The following ASAP2 variants were observed in gnomAD, a reference collection of about 807,000 sequenced individuals.
ASAP2 encodes the protein ArfGAP with SH3 domain, ankyrin repeat and PH domain 2.
Under a neutral mutation model 131.4 loss-of-function variants are expected in ASAP2, and 45 were observed. The ratio of observed to expected loss-of-function variants is 0.34; its 90% CI spans 0.27 to 0.44. The LOEUF is 0.44. Ranked by LOEUF, ASAP2 falls within the 20% of genes least tolerant of loss-of-function variation. The probability of loss-of-function intolerance (pLI) is 1.00; values close to 1 mark genes in which losing one functional copy is unlikely to be tolerated. For missense variants in ASAP2, 1,011 were observed against 1,297.0 expected (o/e 0.78, Z 3.39); for synonymous variants, 510 against 503.0 (o/e 1.01, Z -0.19).
rs2148848484 is a variant in ASAP2 at position 9,404,721 on chromosome 2, T to C, written c.*1394T>C. ...TGATTGAAGCAGCTTGTCTTTATTA[T>C]GCAAGACTGTGTAGAGTTTTTTTTT... On this transcript the variant is annotated 3_prime_UTR_variant, in exon 28 of 28. Coordinates refer to ENST00000281419, the MANE Select transcript of ASAP2 (RefSeq NM_003887.3). 1 of 150,338 alleles carries C rather than the reference T, an allele frequency of 6.7e-6. No homozygotes were observed. Among genetic ancestry groups the C allele is most frequent in the Middle Eastern group, 3.5e-3 (1 of 288 alleles). 9.3% of individuals were successfully genotyped at this position (150,338 alleles called of 1,614,324 possible).
At chr2:9,248,135 G>A (rs1664461709) in intron 1 of ASAP2, among the ~76,000 whole-genome samples, 1 of 152,210 alleles carries the variant, frequency 6.6e-6, no homozygotes, top group African/African-American at 2.4e-5. Flanking sequence ...GATGGCAGGT[G>A]ACCCAGAAGA....
At chr2:9,317,173 ACACT>A (rs1669762791) in intron 3 of ASAP2, among the ~76,000 whole-genome samples, 1 of 105,442 alleles carries the variant, frequency 9.5e-6, no homozygotes, top group Admixed American at 8.7e-5. Context: ...CACTCTCACC[ACACT>A]CAACACACAC....
At chr2:9,222,979 G>C (rs2175335) in intron 1 of ASAP2, among the ~76,000 whole-genome samples, 7 of 151,964 alleles carry the variant, frequency 4.6e-5, no homozygotes, top group African/African-American at 1.7e-4. Flanking sequence ...ACCCTCCAAG[G>C]CCTGTGTTTT....
At chr2:9,301,818 A>AT (rs1558310253) in intron 3 of ASAP2, among the ~76,000 whole-genome samples, 2 of 127,352 alleles carry the variant, frequency 1.6e-5, no homozygotes, top group African/African-American at 3.0e-5. Flanking sequence ...TGTATCCATC[A>AT]TCTTTTTTTT....
chr2:9,222,075 A>G (rs1436264834), intron 1 of ASAP2, among the ~76,000 whole-genome samples: 1 of 152,078 alleles, frequency 6.6e-6, no homozygotes, highest in African/African-American at 2.4e-5. Flanking sequence ...GGCGTGAGCC[A>G]CCGCGCTGGC....
chr2:9,257,054 G>A (rs775923765), intron 1 of ASAP2, among the ~76,000 whole-genome samples: 4 of 152,222 alleles, frequency 2.6e-5, no homozygotes, highest in African/African-American at 7.2e-5. Context: ...GCTCCAGGGT[G>A]TCTTTCCCTA....
chr2:9,334,036 C>G (rs1454553459), intron 7 of ASAP2, among the ~76,000 whole-genome samples: 1 of 118,914 alleles, frequency 8.4e-6, no homozygotes, highest in African/African-American at 3.3e-5. Flanking sequence ...CTCTGTCTTT[C>G]TCCTTTTTTT....
intron 17 of ASAP2, among the ~76,000 whole-genome samples, 162 bp downstream of exon 17, chr2:9,375,106 CAAAAAAAAAA>C (rs112747713): frequency 1.5e-5 from 1 of 66,230 alleles, no homozygotes; most frequent in African/African-American, 4.3e-5. Context: ...CCCATCTCTA[CAAAAAAAAAA>C]AAAAAAAAAA....
intron 24 of ASAP2, among the ~76,000 whole-genome samples, chr2:9,395,224 G>A (rs1156265013): frequency 1.3e-5 from 2 of 152,216 alleles, no homozygotes; most frequent in East Asian, 1.9e-4. Flanking sequence ...TGTAATCCCA[G>A]TACTTTGGGA....
chr2:9,343,903 T>C, intron 9 of ASAP2, among the ~76,000 whole-genome samples: 1 of 152,188 alleles, frequency 6.6e-6, no homozygotes. Flanking sequence ...CAGCTGACCA[T>C]GTGGATGGTT....
At chr2:9,375,710 A>G (rs1373947510) in intron 17 of ASAP2, among the ~76,000 whole-genome samples, 3 of 152,214 alleles carry the variant, frequency 2.0e-5, no homozygotes, top group African/African-American at 4.8e-5. Flanking sequence ...CCAGCTCTGG[A>G]AAGAAAACCC....
intron 4 of ASAP2, among the ~76,000 whole-genome samples, chr2:9,319,219 G>T (rs969385349): frequency 5.9e-5 from 9 of 152,232 alleles, no homozygotes; most frequent in African/African-American, 2.2e-4. Context: ...CTGCCCCTGC[G>T]CATCGCCAGC....
chr2:9,399,118 C>G (rs1036964827), intron 24 of ASAP2: 10 of 152,262 alleles, frequency 6.6e-5, no homozygotes, highest in African/African-American at 2.4e-4. Context: ...GATGTTTTCT[C>G]TCCCTTCATT....
intron 3 of ASAP2, among the ~76,000 whole-genome samples, chr2:9,303,742 T>C (rs6739246): frequency 1.3e-3 from 193 of 152,346 alleles, no homozygotes; most frequent in African/African-American, 3.8e-3. Context: ...GTGTCAGATA[T>C]CTACATTTTG....
chr2:9,328,950 G>A (rs947160896), intron 7 of ASAP2, among the ~76,000 whole-genome samples: 2 of 152,184 alleles, frequency 1.3e-5, no homozygotes, highest in African/African-American at 4.8e-5. Context: ...AAGATTTAGG[G>A]TAGAGTTTTT....
chr2:9,378,922 C>T, intron 18 of ASAP2, 22 bp from the exon 19 acceptor site: 1 of 1,417,898 alleles, frequency 7.1e-7, no homozygotes. Flanking sequence ...TATGCTCTCT[C>T]TCTGTTCCTG....
chr2:9,349,261 T>C (rs188084513), intron 11 of ASAP2, among the ~76,000 whole-genome samples: 1 of 152,302 alleles, frequency 6.6e-6, no homozygotes, highest in East Asian at 1.9e-4. Flanking sequence ...ATAGGAGTTA[T>C]TCCTATATCT....
intron 1 of ASAP2, among the ~76,000 whole-genome samples, chr2:9,236,677 A>G (rs1663573967): frequency 6.6e-6 from 1 of 152,190 alleles, no homozygotes; most frequent in Non-Finnish European, 1.5e-5. Context: ...GTATGTATGT[A>G]TGTGTAGGTG....
At chr2:9,352,697 C>T (rs1271496631) in intron 12 of ASAP2, among the ~76,000 whole-genome samples, 1 of 152,224 alleles carries the variant, frequency 6.6e-6, no homozygotes, top group African/African-American at 2.4e-5. Context: ...GAATGCAGTC[C>T]TCTGTGAATC....
Sources: gnomAD v4.1 joint callset for allele counts (sites outside exome capture counted in the v4.1 genomes callset) on GRCh38, gnomAD v4.1.1 for gene constraint, MANE v1.5 for transcripts, NCBI Gene and HGNC (gene_info 2026-07-23, HGNC 2026-07-21) for gene names.